Variants in CNNM2 observed in about 807,000 individuals in gnomAD.
CNNM2 encodes the protein metal transporter CNNM2.
CNNM2 carries 12 observed loss-of-function variants against 66.9 expected under a neutral mutation model. The observed-to-expected ratio is 0.18, with a 90% CI of 0.11 to 0.29. The LOEUF (loss-of-function observed/expected upper bound fraction) is 0.29. Among genes scored for constraint, CNNM2 ranks in the 10% least tolerant of loss-of-function variants. The probability of loss-of-function intolerance (pLI) is 1.00; values close to 1 mark genes in which losing one functional copy is unlikely to be tolerated. For synonymous variants in CNNM2, 557 were observed against 501.8 expected, an observed-to-expected ratio of 1.11 and a Z score of -1.47; for missense variants, 705 against 1,167.7, an observed-to-expected ratio of 0.60 and a Z score of 5.77.
rs181603549 is a variant in CNNM2, at chr10:103,013,839, A to G, written c.1622-35868A>G. 1.1e-3 allele frequency among the ~76,000 whole-genome samples: 172 copies of G among 152,350 alleles called. No individual in the cohort carries two copies. The highest frequency in any genetic ancestry group is 3.6e-3 in the African/African-American group (151 of 41,586). Reference sequence around the variant, plus strand: ...GGAAAAAGTTTAAGTAATTAATTCTAGAGTAAACTGTGTTAGATTAAATTT... The same window carrying G: ...GGAAAAAGTTTAAGTAATTAATTCTGGAGTAAACTGTGTTAGATTAAATTT... On this transcript the variant is annotated intron_variant, in intron 1 of 7. Transcript: ENST00000369878.
chr10:102,937,094 A>G (rs1846266325), intron 1 of CNNM2, among the ~76,000 whole-genome samples: 1 of 152,224 alleles, frequency 6.6e-6, no homozygotes, highest in Non-Finnish European at 1.5e-5. Context: ...CATCTTAGTA[A>G]GATTCATTTT....
At chr10:103,044,459 G>C (rs1394647022) in intron 1 of CNNM2, among the ~76,000 whole-genome samples, 1 of 152,050 alleles carries the variant, frequency 6.6e-6, no homozygotes, top group African/African-American at 2.4e-5. Flanking sequence ...AGGAGGCTGA[G>C]GTGGGAGGAT....
rs1484186590 is a variant in CNNM2 at position 103,009,674 on chromosome 10, C to CCAAA, written c.1622-40033_1622-40032insCAAA. ...ACCACTACATTCTAGCCTGAGTCTC[C>CCAAA]AAAAAAAAAAAAAAAAAAAAAAAAG... On this transcript the variant is annotated intron_variant, in intron 1 of 7. Transcript: ENST00000369878. Among the ~76,000 whole-genome samples the CCAAA allele has an allele frequency of 1.1e-3, 62 of 58,644 alleles. 1 individual carries two copies. Among genetic ancestry groups the CCAAA allele is most frequent in the Non-Finnish European group, 1.7e-3 (56 of 32,536 alleles). The allele number at this position is 58,644 out of a possible 152,430, so 38.5% of individuals were successfully genotyped here. A position where few individuals can be genotyped will look rare whatever the true frequency, so the allele number is the denominator to read the frequency against.
chr10:102,939,377 A>G (rs141492262), intron 1 of CNNM2, among the ~76,000 whole-genome samples: 17 of 152,214 alleles, frequency 1.1e-4, no homozygotes, highest in Non-Finnish European at 2.2e-4. Flanking sequence ...ATCCTCTACA[A>G]TCTTGTTTCA....
In CNNM2 at chr10:102,968,859, T is replaced by C. The variant is rs10450373; in HGVS notation, c.1621+48758T>C. On this transcript the variant is annotated intron_variant, in intron 1 of 7. Transcript: ENST00000369878. ...CAAGCAATATTCTTGCCTTGGCTTCTCAAAGTGCTGGGGTTACAGGCATGA... is the reference window on the plus strand; with the variant it reads ...CAAGCAATATTCTTGCCTTGGCTTCCCAAAGTGCTGGGGTTACAGGCATGA... 0.41 allele frequency among the ~76,000 whole-genome samples: 61,054 copies of C among 149,606 alleles called. 12,673 individuals are homozygous for C. The highest frequency in any genetic ancestry group is 0.57 in the East Asian group (2,854 of 5,050).
chr10:102,996,566 A>C (rs1372918823), intron 1 of CNNM2, among the ~76,000 whole-genome samples: 1 of 152,220 alleles, frequency 6.6e-6, no homozygotes, highest in African/African-American at 2.4e-5. Context: ...TCAGTTGGGC[A>C]TGGTGGCGCA....
At chr10:102,969,064 C>A (rs765002790) in intron 1 of CNNM2, among the ~76,000 whole-genome samples, 1 of 151,892 alleles carries the variant, frequency 6.6e-6, no homozygotes, top group Non-Finnish European at 1.5e-5. Flanking sequence ...CAGGTGTGCA[C>A]CACCATGCCT....
intron 1 of CNNM2, among the ~76,000 whole-genome samples, chr10:102,989,692 A>C (rs1346026139): frequency 6.6e-6 from 1 of 151,806 alleles, no homozygotes; most frequent in African/African-American, 2.4e-5. Context: ...GGTCCCAGCT[A>C]CTTGGGAGGC....
intron 1 of CNNM2, among the ~76,000 whole-genome samples, chr10:103,002,691 C>G (rs1161711352): frequency 6.6e-6 from 1 of 152,078 alleles, no homozygotes; most frequent in African/African-American, 2.4e-5. Flanking sequence ...GTTGGTCAGA[C>G]TTGTTTCGAA....
intron 1 of CNNM2, among the ~76,000 whole-genome samples, chr10:102,945,845 GA>G (rs1846599931): frequency 6.6e-6 from 1 of 151,818 alleles, no homozygotes; most frequent in Non-Finnish European, 1.5e-5. Flanking sequence ...CTTCTCGCAG[GA>G]TGATGAGCTC....
chr10:103,052,610 T>C (rs1308993209), intron 2 of CNNM2, among the ~76,000 whole-genome samples: 1 of 151,694 alleles, frequency 6.6e-6, no homozygotes, highest in African/African-American at 2.4e-5. Flanking sequence ...GCCTCCTGGG[T>C]TCAAGGGAGT....
At chr10:102,972,853 G>C (rs2063567141) in intron 1 of CNNM2, among the ~76,000 whole-genome samples, 1 of 152,156 alleles carries the variant, frequency 6.6e-6, no homozygotes, top group African/African-American at 2.4e-5. Flanking sequence ...GATAAGGAGA[G>C]AAACTGCTGT....
At chr10:103,005,052 A>G (rs1271632030) in intron 1 of CNNM2, among the ~76,000 whole-genome samples, 1 of 151,702 alleles carries the variant, frequency 6.6e-6, no homozygotes, top group Non-Finnish European at 1.5e-5. Context: ...AGCTGGGATT[A>G]TGGGCATGCG....
chr10:102,954,383 T>C (rs1846958690), intron 1 of CNNM2, among the ~76,000 whole-genome samples: 1 of 152,086 alleles, frequency 6.6e-6, no homozygotes, highest in South Asian at 2.1e-4. Flanking sequence ...TCTCCCAAAA[T>C]GCTGGGAATA....
intron 1 of CNNM2, among the ~76,000 whole-genome samples, chr10:103,039,378 C>G (rs1344334818): frequency 6.6e-6 from 1 of 152,130 alleles, no homozygotes; most frequent in East Asian, 1.9e-4. Flanking sequence ...CTGAGGTGAT[C>G]CGCCCGCCTC....
In CNNM2 at chr10:103,078,891, G is replaced by A. The variant is rs1002959562; in HGVS notation, c.*1711G>A. 5 of 152,774 alleles carry A rather than the reference G, an allele frequency of 3.3e-5. No individual in the cohort carries two copies. The highest frequency in any genetic ancestry group is 1.2e-4 in the African/African-American group (5 of 41,470). The allele number at this position is 152,774 out of a possible 1,614,324, so 9.5% of individuals were successfully genotyped here. On this transcript the variant is annotated 3_prime_UTR_variant, in exon 8 of 8. Transcript: ENST00000369878. ...AGCAGCGGGCCGGGCTGGCTGCCTGGTGAGCAGTTTGGTGCCTCGGGTGTT... is the reference window on the plus strand; with the variant it reads ...AGCAGCGGGCCGGGCTGGCTGCCTGATGAGCAGTTTGGTGCCTCGGGTGTT...
At chr10:102,983,094 T>G (rs1040197542) in intron 1 of CNNM2, among the ~76,000 whole-genome samples, 5 of 152,030 alleles carry the variant, frequency 3.3e-5, no homozygotes, top group African/African-American at 1.2e-4. Context: ...ACTTTGATAT[T>G]GATTTTAATT....
rs1193311784 is a variant in CNNM2 at position 103,084,377 on chromosome 10, G to A, written c.*7197G>A. Reference sequence around the variant, plus strand: ...CCTAACTACCGCTCCCATCTCCCCAGGTATCGCCCAACTACCTGAAAGTAG... The same window carrying A: ...CCTAACTACCGCTCCCATCTCCCCAAGTATCGCCCAACTACCTGAAAGTAG... On this transcript the variant is annotated 3_prime_UTR_variant, in exon 8 of 8. Transcript: ENST00000369878. The A allele has an allele frequency of 1.3e-5, 2 of 152,154 alleles. No individual in the cohort carries two copies. Among genetic ancestry groups the A allele is most frequent in the African/African-American group, 4.8e-5 (2 of 41,426 alleles). 9.4% of individuals were successfully genotyped at this position (152,154 alleles called of 1,614,324 possible). A position where few individuals can be genotyped will look rare whatever the true frequency, so the allele number is the denominator to read the frequency against.
At chr10:103,035,409 T>C (rs2064917261) in intron 1 of CNNM2, among the ~76,000 whole-genome samples, 1 of 152,160 alleles carries the variant, frequency 6.6e-6, no homozygotes, top group African/African-American at 2.4e-5. Flanking sequence ...CCAATGAGTG[T>C]ACAGTGAGTG....
Sources: allele counts gnomAD v4.1 joint callset (sites outside exome capture counted in the v4.1 genomes callset), GRCh38; gene constraint gnomAD v4.1.1; transcripts MANE v1.5; gene names NCBI Gene and HGNC (gene_info 2026-07-23, HGNC 2026-07-21).